RBFOX1: variants seen among roughly 807,000 people sequenced by gnomAD.
RBFOX1 encodes the protein RNA binding protein fox-1 homolog 1.
Under a neutral mutation model 57.7 loss-of-function variants are expected in RBFOX1, and 8 were observed. The observed-to-expected ratio is 0.14, with a 90% confidence interval of 0.08 to 0.25. RBFOX1 has a LOEUF of 0.25. Among genes scored for constraint, RBFOX1 ranks in the 10% least tolerant of loss-of-function variants. The probability of loss-of-function intolerance (pLI) is 1.00; values close to 1 mark genes in which losing one functional copy is unlikely to be tolerated. For missense variants in RBFOX1, 611 were observed against 548.5 expected (o/e 1.11, Z -1.14); for synonymous variants, 326 against 222.4 (o/e 1.47, Z -4.15).
At chr16:5,686,074 C>A (rs1186453334) in intron 3 of RBFOX1, among the ~76,000 whole-genome samples, 2 of 152,172 alleles carry the variant, frequency 1.3e-5, no homozygotes, top group Non-Finnish European at 2.9e-5. Flanking sequence ...TTAATATGGA[C>A]AGGCTCAGAA....
chr16:7,040,851 C>T (rs1009119199), intron 3 of RBFOX1, among the ~76,000 whole-genome samples: 6 of 152,070 alleles, frequency 3.9e-5, no homozygotes, highest in Admixed American at 6.6e-5. Flanking sequence ...TGGCCATGGG[C>T]CAAAGACAGC....
At chr16:7,579,993 G>C in intron 6 of RBFOX1, 73 bp downstream of exon 6, 1 of 1,524,730 alleles carries the variant, frequency 6.6e-7, no homozygotes, top group Non-Finnish European at 9.0e-7. Context: ...ATGTAAGTTT[G>C]GGGTATTTAC....
At position 5,780,261 on chromosome 16, in the gene RBFOX1, C is replaced by G. The variant is rs567625637; in HGVS notation, c.319-87042C>G. The stretch of plus-strand genomic sequence containing the variant: ...TTGTGATCCACCCATCTCTGCCTCC[C>G]AAAGTGTTCGGATTACAGGCGTGTG... On this transcript the variant is annotated intron_variant, in intron 3 of 19. Transcript: ENST00000641259. Among the ~76,000 whole-genome samples, 8 of 152,346 alleles carry G rather than the reference C, an allele frequency of 5.3e-5. No individual in the cohort carries two copies. The South Asian group carries it at 1.4e-3, about 28-fold the overall frequency.
intron 2 of RBFOX1, among the ~76,000 whole-genome samples, chr16:6,535,975 C>G (rs1472628439): frequency 6.6e-6 from 1 of 152,176 alleles, no homozygotes; most frequent in South Asian, 2.1e-4. Context: ...AGTTTCTATC[C>G]AACGACTTCA....
intron 2 of RBFOX1, among the ~76,000 whole-genome samples, chr16:6,572,223 C>T (rs2097354601): frequency 6.6e-6 from 1 of 152,090 alleles, no homozygotes; most frequent in African/African-American, 2.4e-5. Context: ...TATTTGATTT[C>T]ATAATGTATA....
chr16:5,740,370 C>T (rs2052730047), intron 3 of RBFOX1, among the ~76,000 whole-genome samples: 1 of 152,170 alleles, frequency 6.6e-6, no homozygotes, highest in Non-Finnish European at 1.5e-5. Context: ...CAGGGGCTGG[C>T]CACAGTCCCA....
At chr16:6,655,667 G>C (rs541715908) in intron 3 of RBFOX1, among the ~76,000 whole-genome samples, 5 of 152,272 alleles carry the variant, frequency 3.3e-5, no homozygotes, top group East Asian at 1.9e-4. Flanking sequence ...AAGAAGATCA[G>C]ATTTTACCCT....
intron 3 of RBFOX1, among the ~76,000 whole-genome samples, chr16:6,787,963 C>T (rs545722381): frequency 6.6e-6 from 1 of 151,722 alleles, no homozygotes; most frequent in South Asian, 2.1e-4. Context: ...TGGCTCATGT[C>T]TGTAATCCCA....
intron 4 of RBFOX1, among the ~76,000 whole-genome samples, chr16:7,376,259 C>T (rs1003042165): frequency 5.3e-5 from 8 of 152,174 alleles, no homozygotes; most frequent in African/African-American, 1.9e-4. Context: ...CATTATATTG[C>T]CACTTACTTG....
intron 1 of RBFOX1, among the ~76,000 whole-genome samples, chr16:5,248,660 A>C (rs2062365336): frequency 6.6e-6 from 1 of 151,982 alleles, no homozygotes; most frequent in African/African-American, 2.4e-5. Flanking sequence ...TGCCCAGGAA[A>C]AGCTGTTCGG....
chr16:6,868,349 G>A (rs1436546296), intron 3 of RBFOX1, among the ~76,000 whole-genome samples: 2 of 152,122 alleles, frequency 1.3e-5, no homozygotes, highest in African/African-American at 4.8e-5. Flanking sequence ...TATGATAAGT[G>A]TCTATAAAGG....
chr16:6,275,852 T>C (rs1441305547), intron 1 of RBFOX1, among the ~76,000 whole-genome samples: 1 of 152,212 alleles, frequency 6.6e-6, no homozygotes, highest in African/African-American at 2.4e-5. Flanking sequence ...TAATAATATT[T>C]ACCAAATATT....
chr16:7,167,186 G>A (rs7202078), intron 4 of RBFOX1, among the ~76,000 whole-genome samples: 31,315 of 150,564 alleles, frequency 0.21, 3,874 homozygotes, highest in East Asian at 0.38. Context: ...GGATTTCTCC[G>A]TGTTGGCCAG....
chr16:5,283,201 T>C (rs1342276154), intron 1 of RBFOX1, among the ~76,000 whole-genome samples: 1 of 152,118 alleles, frequency 6.6e-6, no homozygotes. Flanking sequence ...TTTCAGAAGA[T>C]GTATGGAAAT....
At chr16:5,249,142 C>A (rs748942042) in intron 1 of RBFOX1, among the ~76,000 whole-genome samples, 1 of 152,144 alleles carries the variant, frequency 6.6e-6, no homozygotes, top group Non-Finnish European at 1.5e-5. Context: ...TTTATTTAAC[C>A]TGCTCCAGGT....
chr16:7,349,522 TAA>T (rs1279312407), intron 4 of RBFOX1, among the ~76,000 whole-genome samples: 1 of 124,784 alleles, frequency 8.0e-6, no homozygotes, highest in East Asian at 4.2e-4. Context: ...ACAGAAAATT[TAA>T]AAGACTTTTT....
chr16:5,757,462 C>G (rs749941384), intron 3 of RBFOX1, among the ~76,000 whole-genome samples: 9 of 151,998 alleles, frequency 5.9e-5, no homozygotes, highest in Non-Finnish European at 1.3e-4. Flanking sequence ...GATCTCTTGA[C>G]CTTGTGATCT....
At chr16:7,282,641 T>A (rs183734745) in intron 4 of RBFOX1, among the ~76,000 whole-genome samples, 1 of 152,194 alleles carries the variant, frequency 6.6e-6, no homozygotes, top group African/African-American at 2.4e-5. Context: ...TTTCATAAGT[T>A]CTTCAGTGGT....
Position 6,631,387 on chromosome 16 carries a change from A to G in RBFOX1, c.-63-23216A>G, listed in dbSNP as rs527476055. ...ATGAAGTAGAAATATTTTTTAGAAA[A>G]CACTTTTTATTATGAAACATATTTT... On this transcript the variant is annotated intron_variant, in intron 2 of 15. Coordinates refer to ENST00000550418, the MANE Select transcript of RBFOX1 (RefSeq NM_018723.4). 3.4e-3 allele frequency among the ~76,000 whole-genome samples: 519 copies of G among 152,112 alleles called. 5 individuals are homozygous for G. The highest frequency in any genetic ancestry group is 0.011 in the African/African-American group (456 of 41,384).
Sources: allele counts gnomAD v4.1 joint callset (sites outside exome capture counted in the v4.1 genomes callset), GRCh38; gene constraint gnomAD v4.1.1; transcripts MANE v1.5; gene names NCBI Gene and HGNC (gene_info 2026-07-23, HGNC 2026-07-21).